LRMDA: variants seen among roughly 807,000 people sequenced by gnomAD.
LRMDA encodes the protein leucine rich melanocyte differentiation associated, also known as leucine-rich melanocyte differentiation-associated protein.
LRMDA carries 18 observed loss-of-function variants against 29.8 expected under a neutral mutation model. The observed-to-expected ratio is 0.60, with a 90% CI of 0.42 to 0.90. LRMDA has a LOEUF of 0.90. LRMDA is among the 40% of genes least tolerant of loss of function. The pLI is 0.00. For missense variants in LRMDA, 273 were observed against 273.9 expected (o/e 1.00, Z 0.02); for synonymous variants, 125 against 109.4 (o/e 1.14, Z -0.89).
intron 2 of LRMDA, among the ~76,000 whole-genome samples, chr10:75,758,233 C>A (rs1464303570): frequency 6.6e-6 from 1 of 152,228 alleles, no homozygotes; most frequent in South Asian, 2.1e-4. Context: ...TTGCTGCCCC[C>A]ACCTGGGTGT....
rs1038326845 is a variant in LRMDA at position 76,558,671 on chromosome 10, T to C, written c.*1383T>C. The C allele has an allele frequency of 3.3e-5, 5 of 152,294 alleles. No individual in the cohort carries two copies. In the East Asian group the frequency reaches 5.8e-4, roughly 18 times the overall value. The allele number at this position is 152,294 out of a possible 1,614,324, so 9.4% of individuals were successfully genotyped here. A position where few individuals can be genotyped will look rare whatever the true frequency, so the allele number is the denominator to read the frequency against. Reference sequence around the variant, plus strand: ...AAAGAGAATCCCTCCAAGTTATAGATACTGAGGGACTAGGAGCTGCTATTG... The same window carrying C: ...AAAGAGAATCCCTCCAAGTTATAGACACTGAGGGACTAGGAGCTGCTATTG... On this transcript the variant is annotated 3_prime_UTR_variant, in exon 7 of 7. Transcript: ENST00000611255.
At chr10:75,593,345 A>C (rs1840746205) in intron 2 of LRMDA, among the ~76,000 whole-genome samples, 1 of 152,234 alleles carries the variant, frequency 6.6e-6, no homozygotes, top group South Asian at 2.1e-4. Context: ...CACAATGCTG[A>C]GGAAAGCAAC....
chr10:76,340,744 GTGC>G (rs1220873199), intron 6 of LRMDA, among the ~76,000 whole-genome samples: 2 of 152,168 alleles, frequency 1.3e-5, no homozygotes, highest in Admixed American at 1.3e-4. Flanking sequence ...TCCCTTGGAT[GTGC>G]TAGCCAAAGC....
At chr10:76,426,380 G>T (rs868717819) in intron 6 of LRMDA, among the ~76,000 whole-genome samples, 119 of 152,252 alleles carry the variant, frequency 7.8e-4, no homozygotes, top group Non-Finnish European at 1.2e-3. Flanking sequence ...TCATGTGTCT[G>T]TTGGCTGCAT....
intron 2 of LRMDA, among the ~76,000 whole-genome samples, chr10:75,568,635 C>T (rs1840401162): frequency 6.6e-6 from 1 of 152,184 alleles, no homozygotes; most frequent in African/African-American, 2.4e-5. Flanking sequence ...TGTATAGGAT[C>T]TGAAGAGGAG....
intron 2 of LRMDA, among the ~76,000 whole-genome samples, chr10:75,709,352 G>A (rs1842407914): frequency 6.6e-6 from 1 of 151,718 alleles, no homozygotes; most frequent in South Asian, 2.1e-4. Flanking sequence ...ATGCATAAGT[G>A]TGTGTGTCTG....
At chr10:76,420,627 GT>G (rs1842062811) in intron 6 of LRMDA, among the ~76,000 whole-genome samples, 1 of 151,896 alleles carries the variant, frequency 6.6e-6, no homozygotes, top group Admixed American at 6.6e-5. Context: ...GATCACTGAT[GT>G]TAGGCTTTCT....
chr10:75,688,482 A>G (rs1485751945), intron 2 of LRMDA, among the ~76,000 whole-genome samples: 1 of 152,258 alleles, frequency 6.6e-6, no homozygotes, highest in Non-Finnish European at 1.5e-5. Context: ...ATCTTGTGAT[A>G]AAACTTGAAT....
chr10:76,171,075 G>A (rs1461744825), intron 5 of LRMDA, among the ~76,000 whole-genome samples: 1 of 152,168 alleles, frequency 6.6e-6, no homozygotes, highest in Non-Finnish European at 1.5e-5. Context: ...GCAAAAGTTT[G>A]TACTGATCTG....
intron 2 of LRMDA, among the ~76,000 whole-genome samples, chr10:75,644,208 G>A (rs1841488145): frequency 6.6e-6 from 1 of 152,120 alleles, no homozygotes; most frequent in Non-Finnish European, 1.5e-5. Context: ...CTGGGAAGAG[G>A]GGTAAATCAT....
At chr10:75,482,459 T>C (rs1176127441) in intron 2 of LRMDA, among the ~76,000 whole-genome samples, 4 of 152,256 alleles carry the variant, frequency 2.6e-5, no homozygotes, top group Non-Finnish European at 5.9e-5. Flanking sequence ...TGGCAGTAGA[T>C]GGCTGATTCA....
chr10:76,215,992 A>G (rs544050201), intron 5 of LRMDA, among the ~76,000 whole-genome samples: 1 of 152,364 alleles, frequency 6.6e-6, no homozygotes, highest in South Asian at 2.1e-4. Flanking sequence ...AGGGTTGACT[A>G]TAAAAGATTG....
intron 2 of LRMDA, among the ~76,000 whole-genome samples, chr10:75,983,884 A>G (rs1472686135): frequency 1.3e-5 from 2 of 151,912 alleles, no homozygotes; most frequent in Non-Finnish European, 2.9e-5. Flanking sequence ...CAAACTCCTG[A>G]CCTCAAGTGG....
intron 2 of LRMDA, among the ~76,000 whole-genome samples, chr10:75,997,190 C>A (rs956465907): frequency 6.6e-6 from 1 of 152,078 alleles, no homozygotes; most frequent in African/African-American, 2.4e-5. Flanking sequence ...GGAATATATC[C>A]CCCCGACACA....
intron 5 of LRMDA, among the ~76,000 whole-genome samples, chr10:76,114,320 C>T (rs1005765995): frequency 6.6e-6 from 1 of 152,140 alleles, no homozygotes; most frequent in African/African-American, 2.4e-5. Flanking sequence ...ATAGTGTTTC[C>T]ACCTACTGTC....
rs1490595203 is a variant in LRMDA at position 76,486,086 on chromosome 10, G to A, written c.602-71123G>A. Among the ~76,000 whole-genome samples the A allele has an allele frequency of 2.0e-5, 3 of 151,870 alleles. No homozygotes were observed. The South Asian group carries it at 6.2e-4, about 31-fold the overall frequency. On this transcript the variant is annotated intron_variant, in intron 6 of 6. Transcript: ENST00000611255. ...CAGAGTTTTTGGTTACAGATATGGAGGAAATAGAGTGACATATGCTTACTC... is the reference window on the plus strand; with the variant it reads ...CAGAGTTTTTGGTTACAGATATGGAAGAAATAGAGTGACATATGCTTACTC...
At chr10:75,863,532 G>C (rs1435186233) in intron 2 of LRMDA, among the ~76,000 whole-genome samples, 1 of 152,188 alleles carries the variant, frequency 6.6e-6, no homozygotes, top group African/African-American at 2.4e-5. Flanking sequence ...CCTACCGGCT[G>C]TGTGGCCTAG....
In LRMDA at chr10:75,567,644, G is replaced by A. The variant is rs148826525; in HGVS notation, c.131+129150G>A. ...CTAAATGAAGCTATGTTGGTTTGGA[G>A]GAACTTGGTTTTGTGCCTGATTCTT... is the stretch of plus-strand genomic sequence containing the variant. On this transcript the variant is annotated intron_variant, in intron 2 of 6. Transcript: ENST00000611255. Among the ~76,000 whole-genome samples the A allele has an allele frequency of 2.9e-3, 441 of 152,336 alleles. 2 individuals carry two copies. The highest frequency in any genetic ancestry group is 9.8e-3 in the African/African-American group (407 of 41,572).
intron 2 of LRMDA, among the ~76,000 whole-genome samples, chr10:75,706,068 C>A (rs541118556): frequency 1.3e-5 from 2 of 152,102 alleles, no homozygotes; most frequent in African/African-American, 4.8e-5. Flanking sequence ...GTGTCAATTT[C>A]GTGTCCTTTT....
Sources: gnomAD v4.1 joint callset for allele counts (sites outside exome capture counted in the v4.1 genomes callset) on GRCh38, gnomAD v4.1.1 for gene constraint, MANE v1.5 for transcripts, NCBI Gene and HGNC (gene_info 2026-07-23, HGNC 2026-07-21) for gene names.